The following ARMH4 variants were observed in gnomAD, a reference collection of about 807,000 sequenced individuals.
The protein encoded by ARMH4 is armadillo-like helical domain-containing protein 4.
A neutral mutation model predicts 61.9 loss-of-function variants in ARMH4; 49 were observed. The observed-to-expected ratio is 0.79, with a 90% confidence interval of 0.63 to 1.00. ARMH4 has a LOEUF of 1.00. Among genes scored for constraint, ARMH4 ranks in the 50% least tolerant of loss-of-function variants. The probability of loss-of-function intolerance (pLI) is 0.00; values close to 1 mark genes in which losing one functional copy is unlikely to be tolerated. For synonymous variants in ARMH4, 368 were observed against 341.5 expected, an observed-to-expected ratio of 1.08 and a Z score of -0.85; for missense variants, 934 against 930.0, an observed-to-expected ratio of 1.00 and a Z score of -0.06.
intron 4 of ARMH4, among the ~76,000 whole-genome samples, chr14:58,120,471 T>TA (rs979916740): frequency 1.3e-5 from 2 of 152,114 alleles, no homozygotes; most frequent in Admixed American, 1.3e-4. Context: ...GACTCTTACT[T>TA]AGAGTCCTTT....
In ARMH4 at chr14:58,125,794, G is replaced by A. The variant is rs143758107; in HGVS notation, c.1831+5718C>T. On this transcript the variant is annotated intron_variant, in intron 4 of 7. Transcript: ENST00000267485. ...TCAGCCATCCTCTCCAACAGCACTTGGGTTTTCCTGTTGAGAGCGGGGACT... is the reference window on the plus strand; with the variant it reads ...TCAGCCATCCTCTCCAACAGCACTTAGGTTTTCCTGTTGAGAGCGGGGACT... Among the ~76,000 whole-genome samples, 7 of 152,260 alleles carry A rather than the reference G, an allele frequency of 4.6e-5. No individual in the cohort carries two copies. In the East Asian group the frequency reaches 1.3e-3, roughly 29 times the overall value.
intron 5 of ARMH4, among the ~76,000 whole-genome samples, chr14:58,081,945 GA>G (rs201959139): frequency 0.025 from 3,504 of 142,582 alleles, 66 homozygotes; most frequent in Non-Finnish European, 0.035. Context: ...CCTGGGAAGG[GA>G]AAAAAAAAAA....
At chr14:58,073,338 A>G (rs765713243) in intron 5 of ARMH4, among the ~76,000 whole-genome samples, 3 of 152,202 alleles carry the variant, frequency 2.0e-5, no homozygotes, top group Non-Finnish European at 4.4e-5. Flanking sequence ...CCTCATCACT[A>G]AAGTCAATCT....
chr14:58,131,686 A>G lies in ARMH4; in HGVS notation c.1657T>C (p.Phe553Leu). The change falls in exon 4 of 8, where the codon TTC becomes CTC. Residue 553 changes from phenylalanine (F) to leucine (L), a missense_variant. By Grantham distance (22) the Phe-to-Leu change is conservative. Coordinates refer to ENST00000267485, the MANE Select transcript of ARMH4 (RefSeq NM_001001872.4). ...MDTVTGPNEE[F>L]TPVLGSPVTP... is the part of the protein sequence containing the mutation. ...ACTGGAGATCCCAGAACTGGTGTGAACTCCTCATTTGGCCCTGTGACTGTG... is the reference window on the plus strand; with the variant it reads ...ACTGGAGATCCCAGAACTGGTGTGAGCTCCTCATTTGGCCCTGTGACTGTG... 6.2e-7 allele frequency: 1 copy of G among 1,613,414 alleles called. No homozygotes were observed. Among genetic ancestry groups the G allele is most frequent in the East Asian group, 2.2e-5 (1 of 44,880 alleles).
rs180847990 is a variant in ARMH4, at chr14:58,151,202, G to T, written c.-57+873C>A. Reference sequence around the variant, plus strand: ...GAAATTGGATGCCAAGTGCTAGGCGGATCCTCGGGATCATCTCATCTTTGA... The same window carrying T: ...GAAATTGGATGCCAAGTGCTAGGCGTATCCTCGGGATCATCTCATCTTTGA... On this transcript the variant is annotated intron_variant, in intron 1 of 7. Coordinates refer to ENST00000267485, the MANE Select transcript of ARMH4 (RefSeq NM_001001872.4). 1.1e-4 allele frequency among the ~76,000 whole-genome samples: 17 copies of T among 152,312 alleles called. No homozygotes were observed. In the East Asian group the frequency reaches 3.3e-3, roughly 29 times the overall value.
chr14:58,104,177 A>C (rs751050480), intron 4 of ARMH4, among the ~76,000 whole-genome samples: 96 of 152,298 alleles, frequency 6.3e-4, no homozygotes, highest in South Asian at 1.9e-3. Context: ...GAAATGTCCA[A>C]CATGAGATGC....
At chr14:58,112,058 A>G (rs143490424) in intron 4 of ARMH4, among the ~76,000 whole-genome samples, 60 of 152,214 alleles carry the variant, frequency 3.9e-4, no homozygotes, top group African/African-American at 8.4e-4. Context: ...GACCTCATAT[A>G]ACTTAACTAT....
chr14:58,122,204 C>T (rs954481758), intron 4 of ARMH4, among the ~76,000 whole-genome samples: 10 of 152,216 alleles, frequency 6.6e-5, no homozygotes, highest in African/African-American at 2.4e-4. Context: ...TGATCTTTAA[C>T]ATCATATACC....
At chr14:58,007,651 T>C (rs1198956406) in intron 6 of ARMH4, among the ~76,000 whole-genome samples, 1 of 152,246 alleles carries the variant, frequency 6.6e-6, no homozygotes, top group Non-Finnish European at 1.5e-5. Context: ...GCTCCTCTGT[T>C]AGAATTGCTC....
intron 5 of ARMH4, among the ~76,000 whole-genome samples, chr14:58,082,537 C>A (rs971094611): frequency 6.6e-6 from 1 of 152,164 alleles, no homozygotes; most frequent in East Asian, 1.9e-4. Context: ...CAGTTCAGGA[C>A]TTCCTGACTC....
Position 58,139,241 on chromosome 14 carries a change from C to A in ARMH4, c.118G>T (p.Val40Phe). The stretch of plus-strand genomic sequence containing the variant: ...TCGGACTGCCCTTTTTCCGCATGAA[C>A]ATGTGCTATCTCCCTCCTCCTTTCT... ...KIERRREIAH[V>F]HAEKGQSDKM... is the part of the protein sequence containing the mutation. The change falls in exon 2 of 8, where the codon GTT (valine) becomes TTT (phenylalanine). Residue 40 changes from valine to phenylalanine, a missense_variant. Coordinates refer to ENST00000267485, the MANE Select transcript of ARMH4 (RefSeq NM_001001872.4). 1 of 1,614,210 alleles carries A rather than the reference C, an allele frequency of 6.2e-7. No homozygotes were observed. The highest frequency in any genetic ancestry group is 1.7e-5 in the Admixed American group (1 of 60,020).
chr14:58,131,782 T>C (rs1021026005), intron 3 of ARMH4, 61 bp from the exon 4 acceptor site: 11 of 1,503,072 alleles, frequency 7.3e-6, no homozygotes, highest in African/African-American at 6.9e-5. Context: ...AATGTAAGCA[T>C]GTGCTTTCAC....
chr14:58,015,538 T>A (rs1251563574), intron 5 of ARMH4, among the ~76,000 whole-genome samples: 1 of 152,166 alleles, frequency 6.6e-6, no homozygotes, highest in Non-Finnish European at 1.5e-5. Context: ...AATAAGTATT[T>A]TTCCTTCTTT....
In ARMH4 at chr14:58,004,553, T is replaced by C. The variant is rs1882088485; in HGVS notation, c.*183A>G. On this transcript the variant is annotated 3_prime_UTR_variant, in exon 8 of 8. Coordinates refer to ENST00000267485, the MANE Select transcript of ARMH4 (RefSeq NM_001001872.4). The stretch of plus-strand genomic sequence containing the variant: ...ATAAAACCAAATACTGCATGATACG[T>C]TTAGTATACAACATGCCATTTCTGC... 2 of 528,308 alleles carry C rather than the reference T, an allele frequency of 3.8e-6. No individual in the cohort carries two copies. Among genetic ancestry groups the C allele is most frequent in the East Asian group, 2.8e-5 (1 of 35,634 alleles). 32.7% of individuals were successfully genotyped at this position (528,308 alleles called of 1,614,324 possible). A position where few individuals can be genotyped will look rare whatever the true frequency, so the allele number is the denominator to read the frequency against.
chr14:58,060,795 A>G (rs1265623472), intron 5 of ARMH4, among the ~76,000 whole-genome samples: 1 of 152,210 alleles, frequency 6.6e-6, no homozygotes, highest in Non-Finnish European at 1.5e-5. Flanking sequence ...AGGGCTTTTC[A>G]CGGTGTATGT....
intron 4 of ARMH4, among the ~76,000 whole-genome samples, chr14:58,123,509 G>C (rs1355230208): frequency 6.6e-6 from 1 of 152,142 alleles, no homozygotes; most frequent in African/African-American, 2.4e-5. Flanking sequence ...CCAGCAGACA[G>C]TGGAGGTTAG....
intron 5 of ARMH4, among the ~76,000 whole-genome samples, chr14:58,071,949 G>A (rs1250867084): frequency 6.6e-6 from 1 of 152,182 alleles, no homozygotes; most frequent in Admixed American, 6.5e-5. Context: ...TGTGCCCCAT[G>A]GGCACCTTTT....
chr14:58,015,401 A>G (rs908792557), intron 5 of ARMH4, among the ~76,000 whole-genome samples: 2 of 152,228 alleles, frequency 1.3e-5, no homozygotes, highest in Non-Finnish European at 2.9e-5. Flanking sequence ...TTGAGGAAAC[A>G]CTATTCTTAG....
intron 5 of ARMH4, among the ~76,000 whole-genome samples, chr14:58,015,402 C>G (rs1467003668): frequency 6.6e-6 from 1 of 152,150 alleles, no homozygotes; most frequent in Non-Finnish European, 1.5e-5. Context: ...TGAGGAAACA[C>G]TATTCTTAGA....
Sources: gnomAD v4.1 joint callset for allele counts (sites outside exome capture counted in the v4.1 genomes callset) on GRCh38, gnomAD v4.1.1 for gene constraint, MANE v1.5 for transcripts, NCBI Gene and HGNC (gene_info 2026-07-23, HGNC 2026-07-21) for gene names.